The following ZSCAN21 variants were observed in gnomAD, a reference collection of about 807,000 sequenced individuals.
ZSCAN21 encodes the protein zinc finger and SCAN domain-containing protein 21.
Under a neutral mutation model 35.6 loss-of-function variants are expected in ZSCAN21, and 26 were observed. That is an observed-to-expected ratio of 0.73 (90% CI 0.54 to 1.01). The LOEUF is 1.01. ZSCAN21 is among the 50% of genes least tolerant of loss of function. The pLI is 0.00. For missense variants in ZSCAN21, 593 were observed against 587.1 expected (o/e 1.01, Z -0.10); for synonymous variants, 219 against 219.3 (o/e 1.00, Z 0.01).
At chr7:100,053,568 T>G (rs1444777374) in intron 1 of ZSCAN21, among the ~76,000 whole-genome samples, 2 of 146,078 alleles carry the variant, frequency 1.4e-5, no homozygotes, top group Non-Finnish European at 3.0e-5. Context: ...TTTTTTTTTT[T>G]GCAACAGAGT....
intron 1 of ZSCAN21, among the ~76,000 whole-genome samples, chr7:100,053,010 C>T (rs936534763): frequency 1.3e-5 from 2 of 151,756 alleles, no homozygotes; most frequent in African/African-American, 4.8e-5. Context: ...CCTGTAATCC[C>T]ACCTACTCAG....
At position 100,057,067 on chromosome 7, in the gene ZSCAN21, G is replaced by T. The variant is rs768444617; in HGVS notation, c.61G>T (p.Val21Leu). 24 of 1,614,034 alleles carry T rather than the reference G, an allele frequency of 1.5e-5. No individual in the cohort carries two copies. The highest frequency in any genetic ancestry group is 2.0e-5 in the Non-Finnish European group (24 of 1,180,036). Residue 21 changes from valine (V) to leucine (L), a missense_variant, in exon 2 of 4, where the codon GTG (valine) becomes TTG (leucine). Physicochemically the swap from Val to Leu is conservative, Grantham distance 32 (BLOSUM62 1). Transcript: ENST00000292450. ...GGGCCCTAGGCCTCCACAGGAGCAG[G>T]TGGGGCCTCTGATGGTAAAAGTCGA... is the stretch of plus-strand genomic sequence containing the variant. ...VLGPRPPQEQ[V>L]GPLMVKVEEK...
intron 1 of ZSCAN21, among the ~76,000 whole-genome samples, chr7:100,054,700 G>T (rs577512693): frequency 6.6e-6 from 1 of 150,970 alleles, no homozygotes; most frequent in East Asian, 2.0e-4. Flanking sequence ...TTGGTGGAGC[G>T]TGGTGGTGCG....
At chr7:100,055,943 T>G (rs1390904153) in intron 1 of ZSCAN21, among the ~76,000 whole-genome samples, 1 of 139,990 alleles carries the variant, frequency 7.1e-6, no homozygotes, top group Non-Finnish European at 1.5e-5. Flanking sequence ...CGCCCGGCCC[T>G]CCTCTTTTTT....
intron 1 of ZSCAN21, among the ~76,000 whole-genome samples, chr7:100,054,810 G>A (rs1792015293): frequency 7.6e-6 from 1 of 132,150 alleles, no homozygotes; most frequent in African/African-American, 2.8e-5. Flanking sequence ...CTGTACTCTA[G>A]CCGGGGCAGC....
At position 100,061,852 on chromosome 7, in the gene ZSCAN21, G is replaced by C. The variant is rs141922531; in HGVS notation, c.593-1936G>C. 8.5e-5 allele frequency among the ~76,000 whole-genome samples: 13 copies of C among 152,270 alleles called. No homozygotes were observed. The East Asian group carries it at 2.5e-3, about 29-fold the overall frequency. The stretch of plus-strand genomic sequence containing the variant: ...CCTCAGAGGACTAACAGTTCTCCAA[G>C]GGGTCCCATTTTTCAGAGCGAATTT... On this transcript the variant is annotated intron_variant, in intron 3 of 3. Coordinates refer to ENST00000292450, the MANE Select transcript of ZSCAN21 (RefSeq NM_145914.3).
At chr7:100,054,012 G>C (rs1024435142) in intron 1 of ZSCAN21, among the ~76,000 whole-genome samples, 1 of 151,108 alleles carries the variant, frequency 6.6e-6, no homozygotes, top group Admixed American at 6.6e-5. Context: ...CCGGCCAGTC[G>C]TTTTAAATAT....
rs761240645 is a variant in ZSCAN21 at position 100,057,206 on chromosome 7, G to C, written c.200G>C (p.Arg67Pro). Reference protein sequence around the residue: ...PGPREALSQLRVLCCEWLRPE... With the variant: ...PGPREALSQLPVLCCEWLRPE... ...CCCCGAGAGGCCCTGAGCCAACTCC[G>C]GGTGCTCTGCTGTGAGTGGCTGAGG... The change falls in exon 2 of 4, where the codon CGG becomes CCG. Residue 67 changes from arginine to proline, a missense_variant. Transcript: ENST00000292450. The C allele has an allele frequency of 1.9e-6, 3 of 1,612,846 alleles. No individual in the cohort carries two copies. The South Asian group carries it at 3.3e-5, about 18-fold the overall frequency.
At chr7:100,050,804 GT>G (rs1407014241) in intron 1 of ZSCAN21, among the ~76,000 whole-genome samples, 1 of 152,186 alleles carries the variant, frequency 6.6e-6, no homozygotes, top group African/African-American at 2.4e-5. Context: ...CAAGATAATT[GT>G]TTTCAAGTGT....
chr7:100,057,380 G>T lies in ZSCAN21; in HGVS notation c.374G>T (p.Arg125Leu). 2 of 1,565,254 alleles carry T rather than the reference G, an allele frequency of 1.3e-6. No individual in the cohort carries two copies. ...EAVTLLEDLE[R>L]ELDEPGHQVS... Reference sequence around the variant, plus strand: ...GTCACTCTCCTCGAAGATCTGGAGCGGGAACTGGATGAGCCAGGACACCAG... The same window carrying T: ...GTCACTCTCCTCGAAGATCTGGAGCTGGAACTGGATGAGCCAGGACACCAG... The change falls in exon 2 of 4, where the codon CGG becomes CTG. Residue 125 changes from arginine to leucine, a missense_variant. Coordinates refer to ENST00000292450, the MANE Select transcript of ZSCAN21 (RefSeq NM_145914.3).
intron 3 of ZSCAN21, among the ~76,000 whole-genome samples, chr7:100,061,373 T>C (rs1792283631): frequency 6.6e-6 from 1 of 151,420 alleles, no homozygotes. Context: ...AATACGAAAA[T>C]TAGCCAGGTG....
In ZSCAN21 at chr7:100,056,949, A is replaced by T; in HGVS notation, c.-58A>T. On this transcript the variant is annotated 5_prime_UTR_variant, in exon 2 of 4. Transcript: ENST00000292450. ...CCCTAAAGAACTGGAAACCCAAAGG[A>T]ACGAATATTCCTGCCCCACAGAGTC... The T allele has an allele frequency of 6.7e-7, 1 of 1,488,560 alleles. No homozygotes were observed. Among genetic ancestry groups the T allele is most frequent in the Non-Finnish European group, 9.0e-7 (1 of 1,115,836 alleles). The allele number at this position is 1,488,560 out of a possible 1,614,324, so 92.2% of individuals were successfully genotyped here.
intron 3 of ZSCAN21, among the ~76,000 whole-genome samples, chr7:100,061,782 A>AGG (rs1792298162): frequency 6.6e-6 from 1 of 152,170 alleles, no homozygotes; most frequent in Non-Finnish European, 1.5e-5. Flanking sequence ...TTCCTAGGGA[A>AGG]GGGGAAACGG....
intron 1 of ZSCAN21, among the ~76,000 whole-genome samples, chr7:100,050,060 A>T (rs546737546): frequency 6.6e-6 from 1 of 152,338 alleles, no homozygotes; most frequent in South Asian, 2.1e-4. Context: ...TGGGGCTTTA[A>T]CAAATGAAAG....
intron 3 of ZSCAN21, among the ~76,000 whole-genome samples, chr7:100,058,662 G>A (rs1281279972): frequency 6.6e-6 from 1 of 152,218 alleles, no homozygotes; most frequent in East Asian, 1.9e-4. Context: ...CATATATTAT[G>A]GTTTATAGAA....
At position 100,064,394 on chromosome 7, in the gene ZSCAN21, A is replaced by C; in HGVS notation, c.1199A>C (p.His400Pro). The C allele has an allele frequency of 2.5e-6, 4 of 1,608,262 alleles. No individual in the cohort carries two copies. The highest frequency in any genetic ancestry group is 3.4e-6 in the Non-Finnish European group (4 of 1,177,618). The change falls in exon 4 of 4, where the codon CAT (histidine) becomes CCT (proline). Residue 400 changes from histidine (H) to proline (P), a missense_variant. Transcript: ENST00000292450. ...GAATGTGGGAAGAGCTTCAGTCAGC[A>C]TGCGGGCCTCAGCTCCCACCAGAGA... ...CNECGKSFSQ[H>P]AGLSSHQRLH...
intron 1 of ZSCAN21, among the ~76,000 whole-genome samples, chr7:100,051,277 A>ATTTTTTTT (rs1376849857): frequency 1.8e-4 from 8 of 45,104 alleles, no homozygotes; most frequent in East Asian, 2.3e-3. Context: ...GGATCTAGGG[A>ATTTTTTTT]TTTTCTTTTT....
chr7:100,050,926 C>T (rs1287582633), intron 1 of ZSCAN21, among the ~76,000 whole-genome samples: 1 of 151,848 alleles, frequency 6.6e-6, no homozygotes, highest in Non-Finnish European at 1.5e-5. Flanking sequence ...GGCGCGGTGG[C>T]TCATGCCTGT....
intron 1 of ZSCAN21, among the ~76,000 whole-genome samples, chr7:100,051,138 A>G (rs1490519426): frequency 1.5e-5 from 2 of 130,200 alleles, no homozygotes; most frequent in Non-Finnish European, 3.2e-5. Context: ...AGATCGCGCC[A>G]TTGCACTCCA....
Sources: gnomAD v4.1 joint callset for allele counts (sites outside exome capture counted in the v4.1 genomes callset) on GRCh38, gnomAD v4.1.1 for gene constraint, MANE v1.5 for transcripts, NCBI Gene and HGNC (gene_info 2026-07-23, HGNC 2026-07-21) for gene names.